STMN3: variants seen among roughly 807,000 people sequenced by gnomAD.
The protein encoded by STMN3 is stathmin 3.
STMN3 carries 24 observed loss-of-function variants against 23.2 expected under a neutral mutation model. That is an observed-to-expected ratio of 1.03 (90% confidence interval 0.75 to 1.45). STMN3 has a LOEUF of 1.45. STMN3 is among the 40% of genes most tolerant of loss of function. STMN3 has a pLI of 0.00. For synonymous variants in STMN3, 117 were observed against 103.4 expected, an observed-to-expected ratio of 1.13 and a Z score of -0.80; for missense variants, 235 against 237.6, an observed-to-expected ratio of 0.99 and a Z score of 0.07.
At chr20:63,644,052 C>A (rs2089789787) in intron 2 of STMN3, 121 bp from the exon 3 acceptor site, 1 of 1,415,792 alleles carries the variant, frequency 7.1e-7, no homozygotes, top group African/African-American at 1.4e-5. Flanking sequence ...GCTGCTCCCG[C>A]AGGAATCCCA....
chr20:63,644,051 G>T, intron 2 of STMN3, 120 bp from the exon 3 acceptor site: 2 of 1,425,106 alleles, frequency 1.4e-6, no homozygotes, highest in Non-Finnish European at 1.9e-6. Flanking sequence ...GGCTGCTCCC[G>T]CAGGAATCCC....
At chr20:63,651,148 G>T (rs1366600512) in intron 1 of STMN3, among the ~76,000 whole-genome samples, 1 of 152,060 alleles carries the variant, frequency 6.6e-6, no homozygotes, top group East Asian at 1.9e-4. Flanking sequence ...TAGCAGAGAG[G>T]GGGGATTTCA....
At chr20:63,643,610 A>G in intron 3 of STMN3, 146 bp downstream of exon 3, 2 of 1,352,852 alleles carry the variant, frequency 1.5e-6, no homozygotes, top group Non-Finnish European at 1.9e-6. Context: ...TCTCTCAGAA[A>G]GAGGCCCAGG....
rs1482588373 is a variant in STMN3, at chr20:63,641,159, C to G, written c.*179G>C. The G allele has an allele frequency of 1.6e-5, 11 of 667,682 alleles. No homozygotes were observed. Among genetic ancestry groups the G allele is most frequent in the Admixed American group, 6.3e-5 (3 of 47,316 alleles). 41.4% of individuals were successfully genotyped at this position (667,682 alleles called of 1,614,324 possible). A position where few individuals can be genotyped will look rare whatever the true frequency, so the allele number is the denominator to read the frequency against. On this transcript the variant is annotated 3_prime_UTR_variant, in exon 5 of 5. Transcript: ENST00000370053. ...GCCCGGCGGCTCCTGCAGGGGAAGC[C>G]GTGGTCAGCGACTCACCACGAGGAC...
chr20:63,642,424 C>T lies in STMN3; in HGVS notation c.292-125G>A. The T allele has an allele frequency of 1.2e-5, 5 of 427,748 alleles. No individual in the cohort carries two copies. The Admixed American group carries it at 1.9e-4, about 16-fold the overall frequency. 26.5% of individuals were successfully genotyped at this position (427,748 alleles called of 1,614,324 possible). On this transcript the variant is annotated intron_variant, in intron 3 of 4. Coordinates refer to ENST00000370053, the MANE Select transcript of STMN3 (RefSeq NM_015894.4). Reference sequence around the variant, plus strand: ...ACCTGGCGCCTCCACCTGCCCAGGCCTCGGTGGGCGCCGGGACCCCCGGGC... The same window carrying T: ...ACCTGGCGCCTCCACCTGCCCAGGCTTCGGTGGGCGCCGGGACCCCCGGGC...
intron 1 of STMN3, among the ~76,000 whole-genome samples, chr20:63,648,484 C>G (rs2146120719): frequency 6.6e-6 from 1 of 152,280 alleles, no homozygotes; most frequent in African/African-American, 2.4e-5. Flanking sequence ...GCCTGTAATC[C>G]CAGAACTTTG....
intron 1 of STMN3, among the ~76,000 whole-genome samples, chr20:63,647,810 C>T (rs1458241500): frequency 6.8e-5 from 8 of 117,122 alleles, no homozygotes; most frequent in South Asian, 4.8e-4. Flanking sequence ...TATATATACA[C>T]GTGTATATAT....
intron 2 of STMN3, 47 bp downstream of exon 2, chr20:63,644,166 AG>A: frequency 6.5e-7 from 1 of 1,536,508 alleles, no homozygotes; most frequent in Non-Finnish European, 9.0e-7. Context: ...GGAAAAGGTG[AG>A]GTGGGCAGGC....
chr20:63,647,961 T>C (rs1569070287), intron 1 of STMN3, among the ~76,000 whole-genome samples: 5 of 60,344 alleles, frequency 8.3e-5, no homozygotes, highest in South Asian at 1.0e-3. Flanking sequence ...TATATATATG[T>C]ATATATATAT....
chr20:63,644,369 T>G, intron 1 of STMN3, 60 bp from the exon 2 acceptor site: 1 of 1,348,380 alleles, frequency 7.4e-7, no homozygotes, highest in East Asian at 2.4e-5. Flanking sequence ...TGGGCCCCCG[T>G]TTTCCCTCCC....
chr20:63,649,534 CTT>C (rs2089841352), intron 1 of STMN3, among the ~76,000 whole-genome samples: 1 of 151,896 alleles, frequency 6.6e-6, no homozygotes, highest in African/African-American at 2.4e-5. Flanking sequence ...CTCTCTCTCT[CTT>C]TTTGTTTTTT....
At chr20:63,653,174 C>A (rs925486173) in intron 1 of STMN3, among the ~76,000 whole-genome samples, 153 bp downstream of exon 1, 6 of 151,446 alleles carry the variant, frequency 4.0e-5, no homozygotes, top group Admixed American at 6.6e-5. Flanking sequence ...GCGCCGCAGA[C>A]CCCAGCCTCG....
At chr20:63,646,871 A>C (rs1342902149) in intron 1 of STMN3, among the ~76,000 whole-genome samples, 1 of 151,290 alleles carries the variant, frequency 6.6e-6, no homozygotes, top group Non-Finnish European at 1.5e-5. Flanking sequence ...CTCCTGCCTC[A>C]GCCTCCCAAG....
rs982468980 is a variant in STMN3 at position 63,652,501 on chromosome 20, C to A, written c.19+826G>T. 4 of 913,588 alleles carry A rather than the reference C, an allele frequency of 4.4e-6. No homozygotes were observed. The highest frequency in any genetic ancestry group is 5.2e-6 in the Non-Finnish European group (4 of 764,504). 56.6% of individuals were successfully genotyped at this position (913,588 alleles called of 1,614,324 possible). A position where few individuals can be genotyped will look rare whatever the true frequency, so the allele number is the denominator to read the frequency against. On this transcript the variant is annotated intron_variant, in intron 1 of 4. Coordinates refer to ENST00000370053, the MANE Select transcript of STMN3 (RefSeq NM_015894.4). The surrounding 1 kb of genome is among the most constrained non-coding windows in gnomAD (Gnocchi z 5.3). ...TCCCCTGCGTCCAGAATCCGCCCCC[C>A]GCCCGGGCCTGCGCCCGCCCCTCCG... is the stretch of plus-strand genomic sequence containing the variant.
At chr20:63,649,327 C>T (rs554611406) in intron 1 of STMN3, among the ~76,000 whole-genome samples, 4 of 152,208 alleles carry the variant, frequency 2.6e-5, no homozygotes, top group East Asian at 1.9e-4. Context: ...GGGAAGTCTG[C>T]GCACAGGGCA....
chr20:63,652,919 C>T lies in STMN3; in HGVS notation c.19+408G>A, dbSNP rs1394503252. 6.6e-6 allele frequency among the ~76,000 whole-genome samples: 1 copy of T among 152,064 alleles called. No homozygotes were observed. The highest frequency in any genetic ancestry group is 2.4e-5 in the African/African-American group (1 of 41,436). ...GCAGAGGGTCCCACCCTCTCCCCGC[C>T]TCCCCACGAAGGCTCTGGCGGACCC... On this transcript the variant is annotated intron_variant, in intron 1 of 4. Coordinates refer to ENST00000370053, the MANE Select transcript of STMN3 (RefSeq NM_015894.4). This position sits in a 1 kb window ranked among gnomAD's most constrained non-coding sequence, Gnocchi z 5.3.
intron 4 of STMN3, 127 bp from the exon 5 acceptor site, chr20:63,641,524 A>C: frequency 1.4e-6 from 1 of 700,984 alleles, no homozygotes. Context: ...CTTCGGCAGG[A>C]CCCTGACTGA....
chr20:63,647,790 T>C (rs1305111926), intron 1 of STMN3, among the ~76,000 whole-genome samples: 1 of 126,464 alleles, frequency 7.9e-6, no homozygotes, highest in African/African-American at 2.8e-5. Context: ...ATATATATAA[T>C]ATATATACGT....
intron 1 of STMN3, among the ~76,000 whole-genome samples, chr20:63,646,788 A>G (rs1461164765): frequency 2.0e-5 from 3 of 149,166 alleles, no homozygotes; most frequent in Non-Finnish European, 4.4e-5. Context: ...CTACAGGTGC[A>G]TGCCAGCACA....
Sources: allele counts gnomAD v4.1 joint callset (sites outside exome capture counted in the v4.1 genomes callset), GRCh38; gene constraint gnomAD v4.1.1; non-coding constraint Gnocchi (gnomAD v3.1); transcripts MANE v1.5; gene names NCBI Gene and HGNC (gene_info 2026-07-23, HGNC 2026-07-21).